Variants in GLRA3 observed in about 807,000 individuals in gnomAD.
GLRA3 encodes the protein glycine receptor subunit alpha-3.
A neutral mutation model predicts 60.4 loss-of-function variants in GLRA3; 44 were observed. The observed-to-expected ratio is 0.73, with a 90% CI of 0.57 to 0.94. The LOEUF (loss-of-function observed/expected upper bound fraction) is 0.94, where lower values mean the gene tolerates loss of function less well. Ranked by LOEUF, GLRA3 falls within the 40% of genes least tolerant of loss-of-function variation. The pLI, the probability that GLRA3 is intolerant of heterozygous loss-of-function variation, is 0.00. For synonymous variants in GLRA3, 223 were observed against 192.9 expected (o/e 1.16, Z -1.29); for missense variants, 508 against 564.6 (o/e 0.90, Z 1.02).
At chr4:174,661,750 A>G (rs1485512522) in intron 7 of GLRA3, among the ~76,000 whole-genome samples, 1 of 152,128 alleles carries the variant, frequency 6.6e-6, no homozygotes, top group Admixed American at 6.5e-5. Flanking sequence ...TGATTCTGAC[A>G]CCTGCTCAGC....
chr4:174,684,824 A>G (rs1465261408), intron 5 of GLRA3, among the ~76,000 whole-genome samples: 5 of 152,184 alleles, frequency 3.3e-5, no homozygotes, highest in Non-Finnish European at 5.9e-5. Flanking sequence ...CCTGGCCAAC[A>G]TGGTGAAAGC....
intron 1 of GLRA3, among the ~76,000 whole-genome samples, chr4:174,823,621 C>T (rs1578944702): frequency 6.6e-6 from 1 of 152,002 alleles, no homozygotes; most frequent in South Asian, 2.1e-4. Context: ...GTTTGGTGGG[C>T]AAATTAAGGA....
intron 1 of GLRA3, among the ~76,000 whole-genome samples, chr4:174,808,555 C>T (rs1332195700): frequency 6.6e-6 from 1 of 152,152 alleles, no homozygotes; most frequent in African/African-American, 2.4e-5. Context: ...AGACTGCATG[C>T]GTTCTAGTTA....
chr4:174,790,056 G>C (rs1390774858), intron 1 of GLRA3, among the ~76,000 whole-genome samples: 2 of 152,136 alleles, frequency 1.3e-5, no homozygotes, highest in Admixed American at 6.5e-5. Context: ...TGATTCATGG[G>C]CACAGTTTTA....
intron 3 of GLRA3, among the ~76,000 whole-genome samples, chr4:174,751,104 T>TATCAATCA (rs796499011): frequency 6.2e-5 from 9 of 145,312 alleles, no homozygotes; most frequent in South Asian, 2.3e-4. Context: ...TCTATCTATC[T>TATCAATCA]ATCAATCATC....
chr4:174,693,856 A>G (rs907915790), intron 5 of GLRA3, among the ~76,000 whole-genome samples: 2 of 152,198 alleles, frequency 1.3e-5, no homozygotes, highest in African/African-American at 4.8e-5. Flanking sequence ...CTCACAGGTA[A>G]TGACACCCAC....
At chr4:174,798,612 C>T (rs1055118134) in intron 1 of GLRA3, among the ~76,000 whole-genome samples, 4 of 151,750 alleles carry the variant, frequency 2.6e-5, no homozygotes, top group Non-Finnish European at 5.9e-5. Context: ...AAAAGAAGGC[C>T]ACCATGGAAG....
At chr4:174,803,153 T>G (rs1340444209) in intron 1 of GLRA3, among the ~76,000 whole-genome samples, 1 of 152,162 alleles carries the variant, frequency 6.6e-6, no homozygotes, top group East Asian at 1.9e-4. Context: ...ATTTTCATCA[T>G]GCACTCATTC....
chr4:174,755,073 C>T (rs1407306555), intron 3 of GLRA3, among the ~76,000 whole-genome samples: 1 of 152,032 alleles, frequency 6.6e-6, no homozygotes, highest in African/African-American at 2.4e-5. Flanking sequence ...GAGACTGTAG[C>T]ATTGATTTAT....
At chr4:174,815,777 G>T (rs73008388) in intron 1 of GLRA3, among the ~76,000 whole-genome samples, 2,133 of 152,244 alleles carry the variant, frequency 0.014, 46 homozygotes, top group African/African-American at 0.048. Context: ...CAAAAACATT[G>T]TTTCCTCCTA....
At chr4:174,713,188 A>G (rs1447791536) in intron 5 of GLRA3, among the ~76,000 whole-genome samples, 1 of 152,162 alleles carries the variant, frequency 6.6e-6, no homozygotes, top group Non-Finnish European at 1.5e-5. Context: ...TGACTGAAAT[A>G]TTAAAGAACC....
chr4:174,813,426 C>T (rs991116540), intron 1 of GLRA3, among the ~76,000 whole-genome samples: 4 of 152,132 alleles, frequency 2.6e-5, no homozygotes, highest in African/African-American at 9.7e-5. Context: ...GAAATGTCTG[C>T]TGCAATGAGG....
chr4:174,642,321 T>G lies in GLRA3; in HGVS notation c.*1465A>C. The G allele has an allele frequency of 1.1e-6, 1 of 935,586 alleles. No individual in the cohort carries two copies. Among genetic ancestry groups the G allele is most frequent in the Non-Finnish European group, 1.2e-6 (1 of 809,830 alleles). 58.0% of individuals were successfully genotyped at this position (935,586 alleles called of 1,614,324 possible). ...TGGCTTTTCTATTGTACATCTGAGT[T>G]CATTGTTTTCTTAATCTTTAAAGTT... On this transcript the variant is annotated 3_prime_UTR_variant, in exon 10 of 10. Transcript: ENST00000274093.
intron 4 of GLRA3, among the ~76,000 whole-genome samples, chr4:174,718,909 A>G (rs1291291385): frequency 6.7e-6 from 1 of 149,074 alleles, no homozygotes; most frequent in African/African-American, 2.5e-5. Flanking sequence ...CACAGCAAAA[A>G]TTGCTACAGC....
chr4:174,699,061 G>A (rs893300226), intron 5 of GLRA3, among the ~76,000 whole-genome samples: 9 of 150,708 alleles, frequency 6.0e-5, no homozygotes, highest in Non-Finnish European at 1.2e-4. Flanking sequence ...GCAGTGGTGT[G>A]ATCTCAGCTT....
chr4:174,665,850 T>A (rs1241258690), intron 7 of GLRA3, among the ~76,000 whole-genome samples: 1 of 152,168 alleles, frequency 6.6e-6, no homozygotes, highest in Admixed American at 6.6e-5. Flanking sequence ...TTGTAATCAC[T>A]GGCCATTTAT....
chr4:174,716,095 A>G (rs747432707), intron 4 of GLRA3, among the ~76,000 whole-genome samples: 3 of 152,184 alleles, frequency 2.0e-5, no homozygotes, highest in Non-Finnish European at 2.9e-5. Context: ...AGGAGCAATC[A>G]TATGTAACGT....
intron 5 of GLRA3, among the ~76,000 whole-genome samples, chr4:174,687,560 TGAAG>T (rs1481765896): frequency 6.6e-6 from 1 of 152,156 alleles, no homozygotes; most frequent in East Asian, 1.9e-4. Flanking sequence ...TTCTCAAAGA[TGAAG>T]GAAGTGAACT....
At chr4:174,769,840 T>TA (rs1413756300) in intron 2 of GLRA3, among the ~76,000 whole-genome samples, 1 of 152,158 alleles carries the variant, frequency 6.6e-6, no homozygotes, top group African/African-American at 2.4e-5. Context: ...AATGTATAGC[T>TA]AGAGTTGGTA....
Sources: allele counts gnomAD v4.1 joint callset (sites outside exome capture counted in the v4.1 genomes callset), GRCh38; gene constraint gnomAD v4.1.1; transcripts MANE v1.5; gene names NCBI Gene and HGNC (gene_info 2026-07-23, HGNC 2026-07-21).